CHID1: variants seen among roughly 807,000 people sequenced by gnomAD.
CHID1 encodes chitinase domain-containing protein 1.
CHID1 carries 44 observed loss-of-function variants against 55.4 expected under a neutral mutation model. That is an observed-to-expected ratio of 0.79 (90% confidence interval 0.62 to 1.02). The LOEUF is 1.02. Among genes scored for constraint, CHID1 ranks in the 50% least tolerant of loss-of-function variants. CHID1 has a pLI of 0.00. For synonymous variants in CHID1, 216 were observed against 212.9 expected (o/e 1.01, Z -0.13); for missense variants, 491 against 515.3 (o/e 0.95, Z 0.46).
chr11:905,341 C>G (rs1852132776), intron 1 of CHID1, among the ~76,000 whole-genome samples: 1 of 152,326 alleles, frequency 6.6e-6, no homozygotes, highest in South Asian at 2.1e-4. Context: ...GAGTTCGAGA[C>G]CAGCCTGAGC....
rs1023102864 is a variant in CHID1 at position 869,873 on chromosome 11, G to A, written c.1167C>T (p.Phe389=). The change falls in exon 13 of 13, where the codon TTC becomes TTT. Residue 389 remains phenylalanine, a synonymous_variant. Transcript: ENST00000323578. The part of the protein sequence containing the change: ...IWELGQGLDY[F]YDLL ...CAATGCCCACCTAGAGCAGGTCGTAGAAGTAGTCCAGGCCCTGGCCCAGCT... is the reference window on the plus strand; with the variant it reads ...CAATGCCCACCTAGAGCAGGTCGTAAAAGTAGTCCAGGCCCTGGCCCAGCT... The A allele has an allele frequency of 1.2e-6, 2 of 1,612,966 alleles. No individual in the cohort carries two copies. Among genetic ancestry groups the A allele is most frequent in the African/African-American group, 1.3e-5 (1 of 74,934 alleles).
chr11:904,883 C>A, intron 1 of CHID1, 24 bp from the exon 2 acceptor site: 2 of 1,609,436 alleles, frequency 1.2e-6, no homozygotes, highest in South Asian at 1.1e-5. Flanking sequence ...AGAGCACATT[C>A]AAACAACCGG....
chr11:892,570 C>T (rs1047235193), intron 8 of CHID1, among the ~76,000 whole-genome samples: 5 of 152,236 alleles, frequency 3.3e-5, no homozygotes, highest in Admixed American at 2.0e-4. Context: ...AGCAACTGCG[C>T]TGTGCTGGGA....
upstream of CHID1, chr11:914,371 C>T (rs1201357645): frequency 4.4e-6 from 2 of 451,772 alleles, no homozygotes; most frequent in African/African-American, 2.0e-5. Flanking sequence ...TCTGACCTGC[C>T]CTGAGGCCCT....
At chr11:912,957 G>A (rs1259091306), upstream of CHID1, among the ~76,000 whole-genome samples, 2 of 152,186 alleles carry the variant, frequency 1.3e-5, no homozygotes, top group Non-Finnish European at 2.9e-5. Context: ...GAACCGAAGT[G>A]TTAGCATTCC....
At chr11:872,838 G>A (rs949142055) in intron 10 of CHID1, among the ~76,000 whole-genome samples, 1 of 152,118 alleles carries the variant, frequency 6.6e-6, no homozygotes, top group Non-Finnish European at 1.5e-5. Context: ...CTCTGGCCAC[G>A]CCACACACTC....
intron 8 of CHID1, among the ~76,000 whole-genome samples, chr11:885,785 G>A (rs975807101): frequency 2.0e-5 from 3 of 152,086 alleles, no homozygotes; most frequent in Non-Finnish European, 2.9e-5. Flanking sequence ...GGAGTGCAGC[G>A]GCACGATCCT....
Position 900,921 on chromosome 11 carries a change from G to A in CHID1, c.439+15C>T. 6.3e-7 allele frequency: 1 copy of A among 1,596,460 alleles called. No individual in the cohort carries two copies. Among genetic ancestry groups the A allele is most frequent in the Non-Finnish European group, 8.5e-7 (1 of 1,172,744 alleles). ...TGAGCCATCAGGGCCTCCACTCCTGGCCTGCCGCACTTACCTATGTGCAGG... is the reference window on the plus strand; with the variant it reads ...TGAGCCATCAGGGCCTCCACTCCTGACCTGCCGCACTTACCTATGTGCAGG... On this transcript the variant is annotated intron_variant, in intron 5 of 12. Coordinates refer to ENST00000323578, the MANE Select transcript of CHID1 (RefSeq NM_023947.4).
chr11:888,980 C>T (rs1022076564), intron 8 of CHID1, among the ~76,000 whole-genome samples: 9 of 152,204 alleles, frequency 5.9e-5, no homozygotes, highest in Non-Finnish European at 1.2e-4. Context: ...CTGCTCTTCC[C>T]GGGCTGCCCC....
rs145750582 is a variant in CHID1 at position 883,606 on chromosome 11, C to A, written c.804-303G>T. On this transcript the variant is annotated intron_variant, in intron 9 of 12. Transcript: ENST00000323578. ...GTCAGCAGAGCGGGCCCATGAGGGACAACACACCCAGGGCCAGGCACTCAT... is the reference window on the plus strand; with the variant it reads ...GTCAGCAGAGCGGGCCCATGAGGGAAAACACACCCAGGGCCAGGCACTCAT... 3.3e-3 allele frequency among the ~76,000 whole-genome samples: 498 copies of A among 152,324 alleles called. 4 individuals carry two copies. Among genetic ancestry groups the A allele is most frequent in the Middle Eastern group, 6.8e-3 (2 of 294 alleles).
At chr11:907,463 G>A (rs374314170) in intron 1 of CHID1, among the ~76,000 whole-genome samples, 3 of 151,742 alleles carry the variant, frequency 2.0e-5, no homozygotes, top group Non-Finnish European at 2.9e-5. Flanking sequence ...CCTGGGCGAC[G>A]GTGCGAGACT....
At chr11:893,307 C>G in intron 8 of CHID1, 120 bp downstream of exon 8, 1 of 752,234 alleles carries the variant, frequency 1.3e-6, no homozygotes, top group Non-Finnish European at 2.2e-6. Context: ...TCTATACAGA[C>G]GGGATGAGGT....
intron 10 of CHID1, among the ~76,000 whole-genome samples, chr11:880,224 T>C (rs1246100833): frequency 6.6e-6 from 1 of 152,220 alleles, no homozygotes; most frequent in Admixed American, 6.5e-5. Context: ...GAGTTCTCTA[T>C]GACTCACTGG....
intron 7 of CHID1, among the ~76,000 whole-genome samples, chr11:896,708 C>A (rs1415958614): frequency 7.5e-6 from 1 of 133,348 alleles, no homozygotes; most frequent in African/African-American, 3.2e-5. Context: ...CTCAGCACCC[C>A]CAGCCTCCAC....
chr11:873,718 G>C (rs1247432169), intron 10 of CHID1, among the ~76,000 whole-genome samples: 1 of 152,204 alleles, frequency 6.6e-6, no homozygotes, highest in Admixed American at 6.5e-5. Flanking sequence ...GGCGGAGAAA[G>C]AGGGCACAGC....
At position 904,809 on chromosome 11, in the gene CHID1, G is replaced by A. The variant is rs549420384; in HGVS notation, c.8C>T (p.Thr3Ile). 6 of 1,613,804 alleles carry A rather than the reference G, an allele frequency of 3.7e-6. No individual in the cohort carries two copies. Among genetic ancestry groups the A allele is most frequent in the East Asian group, 2.2e-5 (1 of 44,902 alleles). Residue 3 changes from threonine (T) to isoleucine (I), a missense_variant, in exon 2 of 13, where the codon ACA becomes ATA. Physicochemically the swap from Thr to Ile is moderately conservative, Grantham distance 89 (BLOSUM62 -1). Coordinates refer to ENST00000323578, the MANE Select transcript of CHID1 (RefSeq NM_023947.4). MR[T>I]LFNLLWLALA... is the part of the protein sequence containing the mutation. ...GGCAAGCCAGAGGAGGTTGAAGAGT[G>A]TCCGCATGGTAGGTGTGTCACAGTA...
At chr11:902,831 C>A in intron 3 of CHID1, 131 bp downstream of exon 3, 1 of 843,048 alleles carries the variant, frequency 1.2e-6, no homozygotes. Context: ...CGTAGCCTCA[C>A]AGCAGCAGCA....
At chr11:911,253 C>T (rs1304714176), upstream of CHID1, 3 of 152,000 alleles carry the variant, frequency 2.0e-5, no homozygotes, top group Non-Finnish European at 4.4e-5. Flanking sequence ...CGACCCCCGC[C>T]TGAGTGGACC....
At chr11:872,998 G>A (rs780141563) in intron 10 of CHID1, among the ~76,000 whole-genome samples, 1 of 152,324 alleles carries the variant, frequency 6.6e-6, no homozygotes, top group Non-Finnish European at 1.5e-5. Flanking sequence ...TGGTGACCAC[G>A]CTGTGGGGGC....
Sources: gnomAD v4.1 joint callset for allele counts (sites outside exome capture counted in the v4.1 genomes callset) on GRCh38, gnomAD v4.1.1 for gene constraint, MANE v1.5 for transcripts, NCBI Gene and HGNC (gene_info 2026-07-23, HGNC 2026-07-21) for gene names.